The following EPB41L2 variants were observed in gnomAD, a reference collection of about 807,000 sequenced individuals.
EPB41L2 encodes band 4.1-like protein 2.
In EPB41L2, 43 loss-of-function variants were observed where a neutral mutation model predicts 113.0. The ratio of observed to expected loss-of-function variants is 0.38; its 90% CI spans 0.30 to 0.49. EPB41L2 has a LOEUF of 0.49. Among genes scored for constraint, EPB41L2 ranks in the 20% least tolerant of loss-of-function variants. EPB41L2 has a pLI of 0.95. For synonymous variants in EPB41L2, 442 were observed against 436.7 expected (o/e 1.01, Z -0.15); for missense variants, 1,147 against 1,223.4 (o/e 0.94, Z 0.93).
intron 19 of EPB41L2, among the ~76,000 whole-genome samples, chr6:130,844,797 C>G (rs1776492348): frequency 6.6e-6 from 1 of 152,010 alleles, no homozygotes; most frequent in Non-Finnish European, 1.5e-5. Context: ...AATCCCAGCA[C>G]TTTGGGAGGT....
At chr6:131,042,922 A>G (rs1285562942) in intron 1 of EPB41L2, among the ~76,000 whole-genome samples, 1 of 152,162 alleles carries the variant, frequency 6.6e-6, no homozygotes, top group African/African-American at 2.4e-5. Flanking sequence ...GCAGAGGATT[A>G]TTATCTTCCC....
chr6:130,872,419 A>G (rs1786044207), intron 14 of EPB41L2: 6 of 1,289,286 alleles, frequency 4.7e-6, no homozygotes, highest in Non-Finnish European at 6.1e-6. Context: ...CAGAAGGTGC[A>G]TTAGCGCTCA....
chr6:131,055,000 G>C (rs1298313871), intron 1 of EPB41L2, among the ~76,000 whole-genome samples: 2 of 152,248 alleles, frequency 1.3e-5, no homozygotes, highest in Non-Finnish European at 2.9e-5. Flanking sequence ...GGCATACGCA[G>C]TCTGTCAGTT....
chr6:130,869,058 G>A (rs770754888), intron 15 of EPB41L2, among the ~76,000 whole-genome samples: 4 of 152,132 alleles, frequency 2.6e-5, no homozygotes, highest in South Asian at 4.1e-4. Context: ...AGAGAACCAC[G>A]GTAATCAGAG....
intron 4 of EPB41L2, among the ~76,000 whole-genome samples, chr6:130,921,905 C>G (rs546472228): frequency 6.6e-6 from 1 of 152,264 alleles, no homozygotes; most frequent in East Asian, 1.9e-4. Context: ...TTTTCTGTCC[C>G]AACATATCTG....
chr6:131,018,275 G>A (rs1056412253), intron 1 of EPB41L2, among the ~76,000 whole-genome samples: 1 of 152,106 alleles, frequency 6.6e-6, no homozygotes, highest in Non-Finnish European at 1.5e-5. Flanking sequence ...CTTCAAGGGT[G>A]GGGGAAGAAA....
chr6:130,890,088 T>A, intron 11 of EPB41L2, among the ~76,000 whole-genome samples: 1 of 151,962 alleles, frequency 6.6e-6, no homozygotes, highest in Non-Finnish European at 1.5e-5. Flanking sequence ...GAAAAAAGTG[T>A]GACAGCTTCA....
intron 1 of EPB41L2, among the ~76,000 whole-genome samples, chr6:131,022,763 T>C (rs1288317734): frequency 6.6e-6 from 1 of 152,248 alleles, no homozygotes; most frequent in Non-Finnish European, 1.5e-5. Flanking sequence ...TAGGTTATTA[T>C]TTCCTTTCAA....
chr6:130,892,981 C>G (rs577835923), intron 10 of EPB41L2, among the ~76,000 whole-genome samples: 2 of 152,094 alleles, frequency 1.3e-5, no homozygotes, highest in African/African-American at 4.8e-5. Flanking sequence ...GATGAAGGAT[C>G]TAGATACACA....
chr6:130,857,767 C>T (rs1780749320), intron 19 of EPB41L2, among the ~76,000 whole-genome samples: 1 of 151,974 alleles, frequency 6.6e-6, no homozygotes, highest in African/African-American at 2.4e-5. Flanking sequence ...GCTCATCTCC[C>T]TCTTATCTCT....
chr6:130,953,814 T>C (rs1029922973), intron 3 of EPB41L2, among the ~76,000 whole-genome samples: 3 of 151,926 alleles, frequency 2.0e-5, no homozygotes, highest in African/African-American at 7.3e-5. Flanking sequence ...CTTTCCACCA[T>C]GTGAAGATCC....
chr6:130,989,907 G>C (rs74832366), intron 1 of EPB41L2, among the ~76,000 whole-genome samples: 8 of 152,206 alleles, frequency 5.3e-5, no homozygotes, highest in African/African-American at 1.9e-4. Context: ...TTAGAAATGG[G>C]ACAGTAAAGC....
intron 1 of EPB41L2, among the ~76,000 whole-genome samples, chr6:131,000,407 A>G (rs921096612): frequency 6.6e-6 from 1 of 151,608 alleles, no homozygotes; most frequent in African/African-American, 2.4e-5. Context: ...ATGGTTACAC[A>G]TAACTTTTAG....
chr6:131,009,196 T>C (rs571033531), intron 1 of EPB41L2, among the ~76,000 whole-genome samples: 1 of 152,168 alleles, frequency 6.6e-6, no homozygotes, highest in Non-Finnish European at 1.5e-5. Flanking sequence ...GCTGTTCTTG[T>C]GATAGTGAGT....
intron 7 of EPB41L2, among the ~76,000 whole-genome samples, chr6:130,900,071 T>G (rs1033199947): frequency 6.6e-6 from 1 of 152,340 alleles, no homozygotes; most frequent in Admixed American, 6.5e-5. Context: ...TATACCCAAC[T>G]AAGTAAACTT....
At chr6:130,902,520 A>C (rs1363718622) in intron 6 of EPB41L2, among the ~76,000 whole-genome samples, 3 of 152,210 alleles carry the variant, frequency 2.0e-5, no homozygotes, top group African/African-American at 7.2e-5. Flanking sequence ...TGAGTATTTT[A>C]TGCCTTGCAG....
chr6:130,974,522 T>A lies in EPB41L2; in HGVS notation c.-14-18023A>T, dbSNP rs76063786. Among the ~76,000 whole-genome samples the A allele has an allele frequency of 8.6e-3, 1,313 of 152,106 alleles. 13 individuals are homozygous for A. Among genetic ancestry groups the A allele is most frequent in the Non-Finnish European group, 0.013 (909 of 68,004 alleles). On this transcript the variant is annotated intron_variant, in intron 1 of 19. Coordinates refer to ENST00000337057, the MANE Select transcript of EPB41L2 (RefSeq NM_001431.4). ...TTGGGAGAATTCAGAGAGAATGAGT[T>A]TTGTGGCACTATGATTTTGAAAGAG...
At chr6:130,944,677 G>C (rs1442888444) in intron 3 of EPB41L2, among the ~76,000 whole-genome samples, 1 of 152,120 alleles carries the variant, frequency 6.6e-6, no homozygotes, top group Non-Finnish European at 1.5e-5. Flanking sequence ...GAGTTGGTAG[G>C]GTCAGAAACT....
intron 14 of EPB41L2, among the ~76,000 whole-genome samples, chr6:130,875,622 C>A (rs1267199628): frequency 6.6e-6 from 1 of 152,132 alleles, no homozygotes; most frequent in Non-Finnish European, 1.5e-5. Context: ...TCTTCCTAAT[C>A]CCCTCCTAAC....
Sources: gnomAD v4.1 joint callset for allele counts (sites outside exome capture counted in the v4.1 genomes callset) on GRCh38, gnomAD v4.1.1 for gene constraint, MANE v1.5 for transcripts, NCBI Gene and HGNC (gene_info 2026-07-23, HGNC 2026-07-21) for gene names.